Variants in TG observed in about 807,000 individuals in gnomAD.
The protein encoded by TG is thyroid hormones.
In TG, 270 loss-of-function variants were observed where a neutral mutation model predicts 324.7. The observed-to-expected ratio is 0.83, with a 90% CI of 0.75 to 0.92. TG has a LOEUF of 0.92. Ranked by LOEUF, TG falls within the 40% of genes least tolerant of loss-of-function variation. TG has a pLI of 0.00. For synonymous variants in TG, 1,401 were observed against 1,327.0 expected (o/e 1.06, Z -1.21); for missense variants, 3,591 against 3,456.4 (o/e 1.04, Z -0.98).
At chr8:133,126,420 G>T (rs184035421) in intron 45 of TG, among the ~76,000 whole-genome samples, 16 of 152,202 alleles carry the variant, frequency 1.1e-4, no homozygotes, top group African/African-American at 3.9e-4. Context: ...ATTTTTTTCT[G>T]GACAGCCGTT....
intron 34 of TG, among the ~76,000 whole-genome samples, chr8:132,980,356 C>T (rs1402841320): frequency 6.6e-6 from 1 of 152,122 alleles, no homozygotes; most frequent in Non-Finnish European, 1.5e-5. Flanking sequence ...GTGATGGAAC[C>T]TCCTTAAGTC....
intron 18 of TG, 68 bp from the exon 19 acceptor site, chr8:132,911,309 G>T: frequency 1.2e-6 from 2 of 1,613,626 alleles, no homozygotes; most frequent in South Asian, 1.1e-5. Flanking sequence ...TCTGGTTCCT[G>T]GTGTGGACCC....
intron 46 of TG, 64 bp from the exon 47 acceptor site, chr8:133,133,406 A>AT: frequency 1.3e-6 from 2 of 1,511,486 alleles, no homozygotes; most frequent in East Asian, 4.5e-5. Context: ...GTGGGAAGTG[A>AT]TTCAGGTGAT....
At chr8:133,040,799 G>A (rs754779889) in intron 41 of TG, among the ~76,000 whole-genome samples, 4 of 152,080 alleles carry the variant, frequency 2.6e-5, no homozygotes, top group Non-Finnish European at 5.9e-5. Context: ...CAGGAAGGGA[G>A]GGAAGAGAAA....
intron 41 of TG, chr8:133,060,492 A>G (rs948369435): frequency 3.5e-6 from 3 of 854,132 alleles, no homozygotes; most frequent in African/African-American, 3.5e-5. Context: ...AAGCAGCCAC[A>G]GCAGGGTTTG....
Position 133,106,463 on chromosome 8 carries a change from C to T in TG, c.7573-6959C>T, listed in dbSNP as rs568847311. The T allele has an allele frequency of 1.5e-4, 150 of 985,228 alleles. No homozygotes were observed. The African/African-American group carries it at 2.5e-3, about 16-fold the overall frequency. The allele number at this position is 985,228 out of a possible 1,614,324, so 61.0% of individuals were successfully genotyped here. ...CTCTTCTCCCAGGTCCCGCCTGAAGCAAAAAAGCAAAAGGTAGGGTGAGGC... is the reference window on the plus strand; with the variant it reads ...CTCTTCTCCCAGGTCCCGCCTGAAGTAAAAAAGCAAAAGGTAGGGTGAGGC... On this transcript the variant is annotated intron_variant, in intron 43 of 47. Coordinates refer to ENST00000220616, the MANE Select transcript of TG (RefSeq NM_003235.5).
chr8:132,953,974 C>G (rs1826481687), intron 27 of TG, among the ~76,000 whole-genome samples: 1 of 150,152 alleles, frequency 6.7e-6, no homozygotes, highest in African/African-American at 2.5e-5. Context: ...TCCCCTAATG[C>G]CACACAGATG....
chr8:133,040,309 TGAGA>T, intron 41 of TG: 1 of 655,662 alleles, frequency 1.5e-6, no homozygotes, highest in Non-Finnish European at 2.6e-6. Flanking sequence ...CCCAGCTGTT[TGAGA>T]AATGTAAGCG....
At chr8:133,074,944 G>A (rs564630279) in intron 41 of TG, 1 of 985,526 alleles carries the variant, frequency 1.0e-6, no homozygotes. Context: ...AACTGCTGCT[G>A]CTCCAGAATA....
chr8:133,041,130 C>G (rs1478636570), intron 41 of TG, among the ~76,000 whole-genome samples: 1 of 152,212 alleles, frequency 6.6e-6, no homozygotes, highest in African/African-American at 2.4e-5. Context: ...CAGTGCTTCT[C>G]CTGTGCCCTG....
chr8:132,983,560 G>A (rs967505365), intron 35 of TG, 148 bp downstream of exon 35: 26 of 806,268 alleles, frequency 3.2e-5, no homozygotes, highest in East Asian at 2.7e-4. Context: ...ACATGTATAA[G>A]TGGGGTGAGT....
intron 41 of TG, among the ~76,000 whole-genome samples, chr8:133,087,442 G>A (rs1846775963): frequency 6.6e-6 from 1 of 152,148 alleles, no homozygotes; most frequent in African/African-American, 2.4e-5. Flanking sequence ...CCCTCGGGGT[G>A]TGAGGGGACT....
chr8:133,016,972 T>A (rs1835085211), intron 37 of TG, among the ~76,000 whole-genome samples: 1 of 152,124 alleles, frequency 6.6e-6, no homozygotes, highest in South Asian at 2.1e-4. Context: ...AAGGAGGGAT[T>A]TGGACATGAA....
intron 23 of TG, among the ~76,000 whole-genome samples, chr8:132,932,288 C>T (rs938855846): frequency 6.6e-6 from 1 of 152,152 alleles, no homozygotes; most frequent in African/African-American, 2.4e-5. Context: ...AGAATGTCAT[C>T]TCAATAGAGC....
In TG at chr8:132,911,444, T is replaced by C. The variant is rs780874463; in HGVS notation, c.4070T>C (p.Leu1357Pro). ...CNNSSVQVGC[L>P]TRERLGVNVT... ...AACTCCTCTGTGCAGGTGGGTTGTC[T>C]GACCAGGGAGCGTTTAGGAGTGAAT... Residue 1357 changes from leucine (L) to proline (P), a missense_variant, in exon 19 of 48, where the codon CTG becomes CCG. Transcript: ENST00000220616. 5 of 1,614,130 alleles carry C rather than the reference T, an allele frequency of 3.1e-6. No homozygotes were observed. Among genetic ancestry groups the C allele is most frequent in the Non-Finnish European group, 4.2e-6 (5 of 1,180,048 alleles).
chr8:132,949,073 T>G, intron 27 of TG, 130 bp downstream of exon 27: 2 of 819,520 alleles, frequency 2.4e-6, no homozygotes, highest in Non-Finnish European at 2.0e-6. Context: ...AAAAAAACTT[T>G]ACCAATCATA....
chr8:132,972,047 C>T (rs1356831402), intron 33 of TG, among the ~76,000 whole-genome samples, 174 bp downstream of exon 33: 2 of 152,144 alleles, frequency 1.3e-5, no homozygotes, highest in East Asian at 1.9e-4. Context: ...AGACATGGCT[C>T]CTAGTCCAGT....
intron 10 of TG, 28 bp from the exon 11 acceptor site, chr8:132,893,662 T>A (rs1429283800): frequency 1.2e-6 from 2 of 1,613,072 alleles, no homozygotes; most frequent in East Asian, 2.2e-5. Flanking sequence ...GGTGAGTGAG[T>A]CCATCTGTGT....
chr8:132,984,920 C>T (rs1831330375), intron 35 of TG, among the ~76,000 whole-genome samples: 1 of 138,640 alleles, frequency 7.2e-6, no homozygotes, highest in African/African-American at 2.9e-5. Flanking sequence ...GCCTGAGCAA[C>T]ACAGCCTCCA....
Sources: gnomAD v4.1 joint callset for allele counts (sites outside exome capture counted in the v4.1 genomes callset) on GRCh38, gnomAD v4.1.1 for gene constraint, MANE v1.5 for transcripts, NCBI Gene and HGNC (gene_info 2026-07-23, HGNC 2026-07-21) for gene names.